Variants in HSPA4 observed in about 807,000 individuals in gnomAD.
The protein encoded by HSPA4 is heat shock protein family A (Hsp70) member 4, also known as heat shock 70 kDa protein 4.
A neutral mutation model predicts 106.2 loss-of-function variants in HSPA4; 25 were observed. That is an observed-to-expected ratio of 0.24 (90% confidence interval 0.17 to 0.33). HSPA4 has a LOEUF of 0.33. Among genes scored for constraint, HSPA4 ranks in the 10% least tolerant of loss-of-function variants. HSPA4 has a pLI of 1.00. For missense variants in HSPA4, 841 were observed against 996.0 expected (o/e 0.84, Z 2.10); for synonymous variants, 332 against 333.6 (o/e 1.00, Z 0.05).
intron 1 of HSPA4, among the ~76,000 whole-genome samples, chr5:133,060,070 T>G (rs1248216212): frequency 6.6e-6 from 1 of 150,868 alleles, no homozygotes; most frequent in Admixed American, 6.6e-5. Context: ...CAGTTTTACT[T>G]TTTTTTTTTA....
chr5:133,076,253 G>A (rs1384480568), intron 6 of HSPA4: 1 of 168,174 alleles, frequency 5.9e-6, no homozygotes, highest in Non-Finnish European at 1.3e-5. Context: ...ACTCAGTTTT[G>A]TGATACTGAG....
Position 133,070,440 on chromosome 5 carries a change from C to G in HSPA4, c.373C>G (p.Leu125Val), listed in dbSNP as rs763027495. ...AGTGACTGCCATGCTTTTGTCCAAA[C>G]TGAAGGAGACAGCCGAAAGTGTTCT... ...EQVTAMLLSK[L>V]KETAESVLKK... Residue 125 changes from leucine to valine, a missense_variant, in exon 4 of 19, where the codon CTG becomes GTG. By Grantham distance (32) the Leu-to-Val change is conservative. Transcript: ENST00000304858. The G allele has an allele frequency of 1.2e-6, 2 of 1,613,086 alleles. No individual in the cohort carries two copies. The highest frequency in any genetic ancestry group is 1.7e-6 in the Non-Finnish European group (2 of 1,179,724).
intron 5 of HSPA4, among the ~76,000 whole-genome samples, chr5:133,073,706 G>T (rs1765413169): frequency 6.6e-6 from 1 of 152,260 alleles, no homozygotes; most frequent in African/African-American, 2.4e-5. Flanking sequence ...TAGCATAGGG[G>T]TAGAAAAGAT....
intron 1 of HSPA4, among the ~76,000 whole-genome samples, chr5:133,057,131 G>GT (rs1396795564): frequency 6.6e-6 from 1 of 152,268 alleles, no homozygotes; most frequent in East Asian, 1.9e-4. Context: ...AGTATGAGTT[G>GT]TTTGGTCTGT....
At chr5:133,092,057 CAA>C (rs10557556) in intron 12 of HSPA4, among the ~76,000 whole-genome samples, 3,442 of 152,166 alleles carry the variant, frequency 0.023, 129 homozygotes, top group African/African-American at 0.075. Context: ...TCAAGGAAAA[CAA>C]AACTACAAAT....
At chr5:133,101,600 C>T (rs1285059791) in intron 16 of HSPA4, 159 bp from the exon 17 acceptor site, 20 of 626,612 alleles carry the variant, frequency 3.2e-5, no homozygotes, top group African/African-American at 1.9e-5. Flanking sequence ...TTTCATTCCC[C>T]TCCTGAAGTA....
At chr5:133,104,094 C>T (rs1765824572) in intron 18 of HSPA4, 68 bp downstream of exon 18, 20 of 1,429,408 alleles carry the variant, frequency 1.4e-5, no homozygotes, top group Admixed American at 1.9e-5. Flanking sequence ...TCAAGTGACA[C>T]TTAGGAGGGA....
intron 17 of HSPA4, among the ~76,000 whole-genome samples, chr5:133,103,245 TG>T (rs768141063): frequency 1.5e-4 from 23 of 152,000 alleles, no homozygotes; most frequent in Non-Finnish European, 2.5e-4. Flanking sequence ...GTATTTTTTG[TG>T]GAGATGGGCT....
intron 13 of HSPA4, among the ~76,000 whole-genome samples, chr5:133,094,651 G>T (rs1765688875): frequency 6.6e-6 from 1 of 152,188 alleles, no homozygotes; most frequent in African/African-American, 2.4e-5. Flanking sequence ...CAATGCCTTT[G>T]AGCTGTGGGA....
intron 7 of HSPA4, among the ~76,000 whole-genome samples, chr5:133,077,641 A>C (rs560180851): frequency 5.0e-5 from 7 of 140,568 alleles, no homozygotes; most frequent in African/African-American, 1.9e-4. Flanking sequence ...GGTTATCCTC[A>C]GAAACTACCC....
At chr5:133,056,622 C>G (rs747765111) in intron 1 of HSPA4, among the ~76,000 whole-genome samples, 1 of 152,198 alleles carries the variant, frequency 6.6e-6, no homozygotes, top group Admixed American at 6.5e-5. Context: ...CAGGTTATTT[C>G]TAACTTTTTG....
intron 5 of HSPA4, 73 bp from the exon 6 acceptor site, chr5:133,073,920 C>T: frequency 1.9e-6 from 2 of 1,075,322 alleles, no homozygotes; most frequent in Non-Finnish European, 2.6e-6. Context: ...TATATAAAAC[C>T]TCTTTTTTCC....
intron 13 of HSPA4, among the ~76,000 whole-genome samples, chr5:133,094,701 A>G (rs1765689446): frequency 6.6e-6 from 1 of 152,152 alleles, no homozygotes; most frequent in African/African-American, 2.4e-5. Context: ...CTTCCTTGGG[A>G]TGGCTCAGAA....
Position 133,089,552 on chromosome 5 carries a change from C to A in HSPA4, c.1245-10C>A, listed in dbSNP as rs760225892. On this transcript the variant is annotated splice_polypyrimidine_tract_variant and intron_variant, in intron 10 of 18. Transcript: ENST00000304858. ...CTGAATTTGTGTTTTTGTCTTTTTC[C>A]TCCATTCAGTGACTGTGAAGTCTTT... 6.2e-7 allele frequency: 1 copy of A among 1,610,524 alleles called. No homozygotes were observed. Among genetic ancestry groups the A allele is most frequent in the East Asian group, 2.2e-5 (1 of 44,844 alleles).
At chr5:133,102,818 C>T (rs1765804407) in intron 17 of HSPA4, among the ~76,000 whole-genome samples, 1 of 151,074 alleles carries the variant, frequency 6.6e-6, no homozygotes, top group Non-Finnish European at 1.5e-5. Flanking sequence ...CTCACTGCAG[C>T]CTCAATCTCT....
At chr5:133,095,551 C>A (rs1246217831) in intron 13 of HSPA4, among the ~76,000 whole-genome samples, 2 of 152,156 alleles carry the variant, frequency 1.3e-5, no homozygotes, top group Non-Finnish European at 2.9e-5. Context: ...TAAATAGTTA[C>A]AGACATTATA....
At position 133,104,943 on chromosome 5, in the gene HSPA4, C is replaced by T. The variant is rs1765837599; in HGVS notation, c.*507C>T. The T allele has an allele frequency of 1.9e-5, 3 of 155,116 alleles. No homozygotes were observed. In the South Asian group the frequency reaches 5.9e-4, roughly 30 times the overall value. 9.6% of individuals were successfully genotyped at this position (155,116 alleles called of 1,614,324 possible). A position where few individuals can be genotyped will look rare whatever the true frequency, so the allele number is the denominator to read the frequency against. ...CACGGCAGAGGAACAAAGGTGTGCT[C>T]TGAGCTTCTTCATATTTCACCTTCA... On this transcript the variant is annotated 3_prime_UTR_variant, in exon 19 of 19. Transcript: ENST00000304858.
Position 133,089,638 on chromosome 5 carries a change from A to G in HSPA4, c.1321A>G (p.Thr441Ala), listed in dbSNP as rs1284336889. Residue 441 changes from threonine (T) to alanine (A), a missense_variant, in exon 11 of 19, where the codon ACT becomes GCT. This residue lies in a region of HSPA4 where 162 missense variants were observed against 177.7 expected (regional missense o/e 0.91). Transcript: ENST00000304858. ...VLTFYRKEPF[T>A]LEAYYSSPQD... ...TACATTTTATAGAAAGGAACCTTTC[A>G]CTCTTGAGGCCTACTACAGCTCTCC... 2 of 1,609,662 alleles carry G rather than the reference A, an allele frequency of 1.2e-6. No individual in the cohort carries two copies. Among genetic ancestry groups the G allele is most frequent in the African/African-American group, 1.4e-5 (1 of 73,996 alleles).
chr5:133,080,446 A>G (rs1765501196), intron 7 of HSPA4, among the ~76,000 whole-genome samples: 2 of 150,486 alleles, frequency 1.3e-5, no homozygotes, highest in African/African-American at 4.9e-5. Context: ...AAAAAACCCA[A>G]TAATTTTACT....
Sources: gnomAD v4.1 joint callset for allele counts (sites outside exome capture counted in the v4.1 genomes callset) on GRCh38, gnomAD v4.1.1 for gene constraint, gnomAD v4.1.1 regional missense constraint, MANE v1.5 for transcripts, NCBI Gene and HGNC (gene_info 2026-07-23, HGNC 2026-07-21) for gene names.